PPP3R1: variants seen among roughly 807,000 people sequenced by gnomAD.
PPP3R1 encodes protein phosphatase 3 regulatory subunit B, alpha.
PPP3R1 carries 5 observed loss-of-function variants against 22.6 expected under a neutral mutation model. That is an observed-to-expected ratio of 0.22 (90% CI 0.12 to 0.46). The LOEUF (loss-of-function observed/expected upper bound fraction) is 0.46, where lower values mean the gene tolerates loss of function less well. Among genes scored for constraint, PPP3R1 ranks in the 20% least tolerant of loss-of-function variants. The pLI, the probability that PPP3R1 is intolerant of heterozygous loss-of-function variation, is 0.99. For synonymous variants in PPP3R1, 56 were observed against 65.2 expected (o/e 0.86, Z 0.68); for missense variants, 61 against 203.2 (o/e 0.30, Z 4.25).
intron 1 of PPP3R1, among the ~76,000 whole-genome samples, chr2:68,229,973 T>TACATACACACACACACAC (rs1553408563): frequency 7.0e-6 from 1 of 143,142 alleles, no homozygotes; most frequent in East Asian, 2.1e-4. Flanking sequence ...TATACACACA[T>TACATACACACACACACAC]ACACACACAC....
rs200459875 is a variant in PPP3R1 at position 68,188,684 on chromosome 2, G to A, written c.50C>T (p.Ala17Val). ...YPLEMCSHFD[A>V]DEIKRLGKRF... ...CTTTCCTAGCCTTTTAATTTCATCC[G>A]CATCAACTAAAAGCAAACAAAAAAG... The change falls in exon 3 of 6, where the codon GCG becomes GTG. Residue 17 changes from alanine to valine, a missense_variant. Coordinates refer to ENST00000234310, the MANE Select transcript of PPP3R1 (RefSeq NM_000945.4). The A allele has an allele frequency of 8.2e-6, 13 of 1,588,566 alleles. No individual in the cohort carries two copies. Among genetic ancestry groups the A allele is most frequent in the East Asian group, 4.5e-5 (2 of 44,350 alleles).
At chr2:68,191,872 T>A (rs1674674913) in intron 2 of PPP3R1, among the ~76,000 whole-genome samples, 1 of 152,174 alleles carries the variant, frequency 6.6e-6, no homozygotes, top group Admixed American at 6.5e-5. Context: ...TTTCTATCTA[T>A]AAAATGACAC....
chr2:68,189,419 C>T (rs1674615200), intron 2 of PPP3R1, among the ~76,000 whole-genome samples: 3 of 152,136 alleles, frequency 2.0e-5, no homozygotes, highest in South Asian at 2.1e-4. Context: ...CATAAAAATT[C>T]AGTGTCAGGT....
chr2:68,232,223 ATGTGTGTGTGTGTG>A (rs76815812), intron 1 of PPP3R1, among the ~76,000 whole-genome samples: 14 of 45,760 alleles, frequency 3.1e-4, no homozygotes, highest in Non-Finnish European at 4.3e-4. Context: ...ATATGTATAT[ATGTGTGTGTGTGTG>A]TGTGTGTGTG....
At chr2:68,245,866 C>T (rs1670226254) in intron 1 of PPP3R1, among the ~76,000 whole-genome samples, 1 of 152,128 alleles carries the variant, frequency 6.6e-6, no homozygotes, top group Non-Finnish European at 1.5e-5. Context: ...ATATGACCTA[C>T]ATAATAGTTT....
At position 68,252,386 on chromosome 2, in the gene PPP3R1, CGAGAGGCAG is replaced by C. The variant is rs1478191025; in HGVS notation, c.-268_-260del. ...CCGGAGAGCGCGGGAGGAGCAGCGGCGAGAGGCAGGAGAGGCAGAGAAGAAGAAAGGAGG... is the reference window on the plus strand; with the variant it reads ...CCGGAGAGCGCGGGAGGAGCAGCGGCGAGAGGCAGAGAAGAAGAAAGGAGG... On this transcript the variant is annotated 5_prime_UTR_variant, in exon 1 of 6. Transcript: ENST00000234310. 12 of 1,002,282 alleles carry C rather than the reference CGAGAGGCAG, an allele frequency of 1.2e-5. No homozygotes were observed. In the African/African-American group the frequency reaches 1.2e-4, roughly 10 times the overall value. 62.1% of individuals were successfully genotyped at this position (1,002,282 alleles called of 1,614,324 possible). A position where few individuals can be genotyped will look rare whatever the true frequency, so the allele number is the denominator to read the frequency against.
chr2:68,223,806 C>CAAAAAAAAAAA (rs79743936), intron 1 of PPP3R1, among the ~76,000 whole-genome samples: 1 of 58,538 alleles, frequency 1.7e-5, no homozygotes, highest in Non-Finnish European at 3.9e-5. Flanking sequence ...AAAGGGAAGA[C>CAAAAAAAAAAA]AAAAAAAAAA....
Position 68,188,735 on chromosome 2 carries a change from C to T in PPP3R1, c.44-45G>A, listed in dbSNP as rs777091669. Reference sequence around the variant, plus strand: ...GAAGCAAGAATTTTTTAAAAATGTTCCCAAATCCTTTCTAATGGGCAGTAG... The same window carrying T: ...GAAGCAAGAATTTTTTAAAAATGTTTCCAAATCCTTTCTAATGGGCAGTAG... On this transcript the variant is annotated intron_variant, in intron 2 of 5. Transcript: ENST00000234310. The T allele has an allele frequency of 1.9e-5, 29 of 1,489,926 alleles. No individual in the cohort carries two copies. In the South Asian group the frequency reaches 4.0e-4, roughly 21 times the overall value. 92.3% of individuals were successfully genotyped at this position (1,489,926 alleles called of 1,614,324 possible).
At chr2:68,231,165 A>AT (rs1325042017) in intron 1 of PPP3R1, among the ~76,000 whole-genome samples, 55 of 145,870 alleles carry the variant, frequency 3.8e-4, no homozygotes, top group Middle Eastern at 3.6e-3. Flanking sequence ...GGCTCTGCAC[A>AT]TTTTTTTTTT....
At chr2:68,211,162 T>G (rs1260144751) in intron 2 of PPP3R1, among the ~76,000 whole-genome samples, 2 of 152,106 alleles carry the variant, frequency 1.3e-5, no homozygotes, top group Non-Finnish European at 2.9e-5. Context: ...ATCCCAGCAC[T>G]TTGGGAGGCC....
chr2:68,188,308 A>G (rs888273508), intron 3 of PPP3R1, among the ~76,000 whole-genome samples: 1 of 152,206 alleles, frequency 6.6e-6, no homozygotes, highest in African/African-American at 2.4e-5. Flanking sequence ...AGATTATCCT[A>G]AAGAATGACT....
chr2:68,193,099 T>C (rs377067828), intron 2 of PPP3R1, among the ~76,000 whole-genome samples: 6 of 152,310 alleles, frequency 3.9e-5, no homozygotes, highest in African/African-American at 1.4e-4. Flanking sequence ...TAATATCTTG[T>C]GAAACATTAT....
At position 68,180,992 on chromosome 2, in the gene PPP3R1, T is replaced by C; in HGVS notation, c.484A>G (p.Ile162Val). Residue 162 changes from isoleucine (I) to valine (V), a missense_variant, in exon 6 of 6, where the codon ATC (isoleucine) becomes GTC (valine). Ile to Val is a conservative substitution (Grantham distance 29). Transcript: ENST00000234310. ...ACATCTACCACCATCTTTTTGTGGATATCTAGGCCACCTACAACCTGCAAC... is the reference window on the plus strand; with the variant it reads ...ACATCTACCACCATCTTTTTGTGGACATCTAGGCCACCTACAACCTGCAAC... ...EFCAVVGGLDIHKKMVVDV is the reference protein window; with the variant it reads ...EFCAVVGGLDVHKKMVVDV 1.2e-6 allele frequency: 2 copies of C among 1,613,616 alleles called. No individual in the cohort carries two copies. Among genetic ancestry groups the C allele is most frequent in the Non-Finnish European group, 1.7e-6 (2 of 1,179,544 alleles).
At chr2:68,230,007 CACACATAT>C (rs1322178962) in intron 1 of PPP3R1, among the ~76,000 whole-genome samples, 14 of 129,506 alleles carry the variant, frequency 1.1e-4, no homozygotes, top group Non-Finnish European at 2.1e-4. Context: ...CACACACACA[CACACATAT>C]ATATTTGGAG....
In PPP3R1 at chr2:68,187,381, C is replaced by G. The variant is rs532496549; in HGVS notation, c.221-67G>C. The G allele has an allele frequency of 1.4e-4, 181 of 1,289,850 alleles. No individual in the cohort carries two copies. In the African/African-American group the frequency reaches 2.3e-3, roughly 16 times the overall value. The allele number at this position is 1,289,850 out of a possible 1,614,324, so 79.9% of individuals were successfully genotyped here. A position where few individuals can be genotyped will look rare whatever the true frequency, so the allele number is the denominator to read the frequency against. On this transcript the variant is annotated intron_variant, in intron 3 of 5. Transcript: ENST00000234310. ...TTTTTTACACAAAAAACATATTTAC[C>G]TTACATACCCACAAAAGGATATTTC...
rs1491128472 is a variant in PPP3R1 at position 68,190,254 on chromosome 2, T to TAAAAA, written c.44-1565_44-1564insTTTTT. Among the ~76,000 whole-genome samples the TAAAAA allele has an allele frequency of 5.8e-5, 5 of 85,506 alleles. 1 individual carries two copies. The highest frequency in any genetic ancestry group is 1.3e-4 in the African/African-American group (3 of 22,794). 56.1% of individuals were successfully genotyped at this position (85,506 alleles called of 152,430 possible). On this transcript the variant is annotated intron_variant, in intron 2 of 5. Transcript: ENST00000234310. Reference sequence around the variant, plus strand: ...AGTAAAGGATCAGGGCAAGTTTCTCTTAAAAAAAAAAAAAAAAAAAAAAAA... The same window carrying TAAAAA: ...AGTAAAGGATCAGGGCAAGTTTCTCTAAAAATAAAAAAAAAAAAAAAAAAAAAAAA...
At chr2:68,198,089 A>G (rs1373088406) in intron 2 of PPP3R1, among the ~76,000 whole-genome samples, 2 of 130,326 alleles carry the variant, frequency 1.5e-5, no homozygotes, top group African/African-American at 2.9e-5. Context: ...AAAAAAAAAA[A>G]GCATATATAT....
At chr2:68,229,932 G>A (rs948749017) in intron 1 of PPP3R1, among the ~76,000 whole-genome samples, 3 of 148,542 alleles carry the variant, frequency 2.0e-5, no homozygotes, top group Non-Finnish European at 3.0e-5. Flanking sequence ...ATATATGTGT[G>A]TGTATGTGTG....
At chr2:68,206,292 A>C (rs1442225506) in intron 2 of PPP3R1, among the ~76,000 whole-genome samples, 3 of 152,212 alleles carry the variant, frequency 2.0e-5, no homozygotes, top group Non-Finnish European at 4.4e-5. Flanking sequence ...AGATAGCACA[A>C]GATCAAAAGC....
Sources: gnomAD v4.1 joint callset for allele counts (sites outside exome capture counted in the v4.1 genomes callset) on GRCh38, gnomAD v4.1.1 for gene constraint, MANE v1.5 for transcripts, NCBI Gene and HGNC (gene_info 2026-07-23, HGNC 2026-07-21) for gene names.